Variants in EPB41L4B observed in about 807,000 individuals in gnomAD.
EPB41L4B encodes the protein band 4.1-like protein 4B.
A neutral mutation model predicts 112.5 loss-of-function variants in EPB41L4B; 30 were observed. The ratio of observed to expected loss-of-function variants is 0.27; its 90% CI spans 0.20 to 0.36. The LOEUF is 0.36. EPB41L4B is among the 10% of genes least tolerant of loss of function. The pLI, the probability that EPB41L4B is intolerant of heterozygous loss-of-function variation, is 1.00. For missense variants in EPB41L4B, 1,024 were observed against 1,133.3 expected (o/e 0.90, Z 1.38); for synonymous variants, 408 against 439.7 (o/e 0.93, Z 0.90).
Position 109,240,312 on chromosome 9 carries a change from G to A in EPB41L4B, c.1409+3306C>T. The A allele has an allele frequency of 6.1e-6, 6 of 985,396 alleles. No homozygotes were observed. In the South Asian group the frequency reaches 2.3e-4, roughly 39 times the overall value. The allele number at this position is 985,396 out of a possible 1,614,324, so 61.0% of individuals were successfully genotyped here. On this transcript the variant is annotated intron_variant, in intron 15 of 25. Coordinates refer to ENST00000374566, the MANE Select transcript of EPB41L4B (RefSeq NM_019114.5). ...AATACACCTGTAAACAAATGCCTTA[G>A]GGAGAGTTTATAGGTAGTCAGCTCC...
chr9:109,213,099 G>T (rs2118815124), intron 17 of EPB41L4B, among the ~76,000 whole-genome samples: 1 of 152,254 alleles, frequency 6.6e-6, no homozygotes, highest in South Asian at 2.1e-4. Context: ...GGTTGTCAAG[G>T]GCTGTGCAAC....
chr9:109,244,759 T>C (rs1834488401), intron 14 of EPB41L4B, among the ~76,000 whole-genome samples: 1 of 152,164 alleles, frequency 6.6e-6, no homozygotes, highest in Non-Finnish European at 1.5e-5. Context: ...AGTCAGGGGC[T>C]TCTCAAGGCT....
At position 109,256,910 on chromosome 9, in the gene EPB41L4B, T is replaced by C. The variant is rs1200468275; in HGVS notation, c.753-430A>G. Among the ~76,000 whole-genome samples, 4 of 152,118 alleles carry C rather than the reference T, an allele frequency of 2.6e-5. No homozygotes were observed. In the East Asian group the frequency reaches 5.8e-4, roughly 22 times the overall value. On this transcript the variant is annotated intron_variant, in intron 7 of 25. Transcript: ENST00000374566. ...TGAGCCAAGATCCAAGATCGTGCCA[T>C]TGCACTCCAGCCTGGGCAACAAGAC...
intron 15 of EPB41L4B, among the ~76,000 whole-genome samples, chr9:109,218,211 C>T (rs1057512886): frequency 2.0e-5 from 3 of 148,850 alleles, no homozygotes; most frequent in Non-Finnish European, 3.0e-5. Flanking sequence ...CTGCAACCTC[C>T]ACCTCCCAGG....
intron 2 of EPB41L4B, among the ~76,000 whole-genome samples, chr9:109,275,273 C>G (rs1003653711): frequency 6.6e-6 from 1 of 152,224 alleles, no homozygotes; most frequent in African/African-American, 2.4e-5. Flanking sequence ...AACCTCTGAT[C>G]TGCATGTCAG....
At chr9:109,284,388 G>C (rs77832049) in intron 1 of EPB41L4B, among the ~76,000 whole-genome samples, 1 of 152,130 alleles carries the variant, frequency 6.6e-6, no homozygotes, top group Non-Finnish European at 1.5e-5. Flanking sequence ...ATGAAGCATA[G>C]AGAAACCGCG....
In EPB41L4B at chr9:109,174,573, A is replaced by G. The variant is rs1831742961; in HGVS notation, c.2684T>C (p.Leu895Pro). The G allele has an allele frequency of 4.3e-6, 7 of 1,613,994 alleles. No individual in the cohort carries two copies. Among genetic ancestry groups the G allele is most frequent in the Non-Finnish European group, 5.9e-6 (7 of 1,179,994 alleles). The change falls in exon 26 of 26, where the codon CTG (leucine) becomes CCG (proline). Residue 895 changes from leucine to proline, a missense_variant. Physicochemically the swap from Leu to Pro is moderately conservative, Grantham distance 98. Transcript: ENST00000374566. The stretch of plus-strand genomic sequence containing the variant: ...AGAATTTCACAGTTCGGTCATCAAC[A>G]GTCTTTTCATCATCTTCTCTCTCTC... ...ELEREKMMKRLLMTEL is the reference protein window; with the variant it reads ...ELEREKMMKRPLMTEL
chr9:109,315,013 T>A (rs73523038), intron 1 of EPB41L4B, among the ~76,000 whole-genome samples: 1 of 151,878 alleles, frequency 6.6e-6, no homozygotes. Context: ...CGTTGCCCCC[T>A]TCTCCTAGCC....
chr9:109,218,123 ATTC>A (rs1833444375), intron 15 of EPB41L4B, among the ~76,000 whole-genome samples: 1 of 79,688 alleles, frequency 1.3e-5, no homozygotes, highest in Admixed American at 1.5e-4. Flanking sequence ...AATACTAATA[ATTC>A]TTTTTTTTTT....
intron 1 of EPB41L4B, among the ~76,000 whole-genome samples, chr9:109,287,733 A>G (rs996276947): frequency 6.6e-6 from 1 of 152,124 alleles, no homozygotes. Context: ...TCCTGGGCTC[A>G]AGCGATCCTC....
At chr9:109,208,078 A>G in intron 17 of EPB41L4B, 29 bp from the exon 18 acceptor site, 1 of 1,613,264 alleles carries the variant, frequency 6.2e-7, no homozygotes, top group Non-Finnish European at 8.5e-7. Context: ...CAAACAGCAG[A>G]TTGTAAACAA....
intron 15 of EPB41L4B, among the ~76,000 whole-genome samples, chr9:109,238,771 T>C (rs765469024): frequency 6.6e-6 from 1 of 152,004 alleles, no homozygotes; most frequent in Non-Finnish European, 1.5e-5. Context: ...GAGGCAGACA[T>C]TGAGCAGGAG....
At chr9:109,180,241 G>C (rs763248244) in intron 24 of EPB41L4B, among the ~76,000 whole-genome samples, 92 of 152,182 alleles carry the variant, frequency 6.0e-4, no homozygotes, top group Non-Finnish European at 1.1e-3. Flanking sequence ...CTCTTGCTCA[G>C]TTCTTAAAAG....
intron 7 of EPB41L4B, among the ~76,000 whole-genome samples, chr9:109,257,422 T>G (rs1290108326): frequency 2.0e-5 from 3 of 152,144 alleles, no homozygotes; most frequent in Non-Finnish European, 4.4e-5. Flanking sequence ...CTGCTGGATT[T>G]AGGTATGATG....
intron 11 of EPB41L4B, among the ~76,000 whole-genome samples, chr9:109,255,307 T>G (rs1834936208): frequency 6.6e-6 from 1 of 152,248 alleles, no homozygotes; most frequent in Non-Finnish European, 1.5e-5. Flanking sequence ...TGTCAGTTAT[T>G]AACAATTTTG....
chr9:109,239,349 C>A (rs1056461504), intron 15 of EPB41L4B, among the ~76,000 whole-genome samples: 1 of 152,026 alleles, frequency 6.6e-6, no homozygotes, highest in Non-Finnish European at 1.5e-5. Context: ...AAAAGATGAT[C>A]GATTTGATTT....
intron 25 of EPB41L4B, among the ~76,000 whole-genome samples, chr9:109,176,040 TCACACACACGCACACACACACACACA>T (rs1215366230): frequency 4.6e-5 from 2 of 43,424 alleles, no homozygotes; most frequent in Non-Finnish European, 5.1e-5. Flanking sequence ...CTTGTCAATA[TCACACACACGCACACACACACACACA>T]CACACACACA....
intron 12 of EPB41L4B, 112 bp downstream of exon 12, chr9:109,253,329 A>G: frequency 1.4e-6 from 1 of 732,518 alleles, no homozygotes; most frequent in South Asian, 1.8e-5. Context: ...CAAAAGCTCC[A>G]GACTGGAGAA....
At chr9:109,291,435 C>T (rs530853971) in intron 1 of EPB41L4B, among the ~76,000 whole-genome samples, 1 of 152,288 alleles carries the variant, frequency 6.6e-6, no homozygotes, top group Non-Finnish European at 1.5e-5. Flanking sequence ...CCCACTTAGT[C>T]TGAAGGGCAG....
Sources: gnomAD v4.1 joint callset for allele counts (sites outside exome capture counted in the v4.1 genomes callset) on GRCh38, gnomAD v4.1.1 for gene constraint, MANE v1.5 for transcripts, NCBI Gene and HGNC (gene_info 2026-07-23, HGNC 2026-07-21) for gene names.